The following PRKAG2 variants were observed in gnomAD, a reference collection of about 807,000 sequenced individuals.
The protein encoded by PRKAG2 is 5'-AMP-activated protein kinase subunit gamma-2.
PRKAG2 carries 26 observed loss-of-function variants against 69.6 expected under a neutral mutation model. The observed-to-expected ratio is 0.37, with a 90% CI of 0.27 to 0.52. The LOEUF is 0.52. PRKAG2 is among the 20% of genes least tolerant of loss of function. PRKAG2 has a pLI of 0.90. For missense variants in PRKAG2, 557 were observed against 740.0 expected (o/e 0.75, Z 2.87); for synonymous variants, 293 against 285.0 (o/e 1.03, Z -0.28).
At chr7:151,597,093 GAGAATT>G (rs1814736533) in intron 5 of PRKAG2, among the ~76,000 whole-genome samples, 1 of 152,102 alleles carries the variant, frequency 6.6e-6, no homozygotes, top group African/African-American at 2.4e-5. Flanking sequence ...CACAGACAAA[GAGAATT>G]AGAAAGCCCA....
At chr7:151,558,408 C>T (rs1329639080) in intron 15 of PRKAG2, 2 of 985,294 alleles carry the variant, frequency 2.0e-6, no homozygotes, top group African/African-American at 3.5e-5. Flanking sequence ...GCACGGCTTT[C>T]AGCTCTTTTC....
intron 3 of PRKAG2, among the ~76,000 whole-genome samples, chr7:151,730,886 T>A (rs538372630): frequency 2.6e-5 from 4 of 152,196 alleles, no homozygotes; most frequent in African/African-American, 9.6e-5. Context: ...TGTGGGCTCA[T>A]GGAAGGGGAG....
intron 2 of PRKAG2, among the ~76,000 whole-genome samples, chr7:151,785,483 A>C (rs2076957370): frequency 6.6e-6 from 1 of 152,198 alleles, no homozygotes; most frequent in African/African-American, 2.4e-5. Flanking sequence ...TGTTCAGGGC[A>C]GGGTGGGGAG....
intron 4 of PRKAG2, among the ~76,000 whole-genome samples, chr7:151,642,184 A>G (rs976113840): frequency 5.7e-4 from 86 of 152,046 alleles, no homozygotes; most frequent in African/African-American, 2.0e-3. Context: ...AAATACAGAA[A>G]AAAAAAAAAT....
At chr7:151,660,061 A>G (rs988201799) in intron 4 of PRKAG2, among the ~76,000 whole-genome samples, 67 of 152,186 alleles carry the variant, frequency 4.4e-4, no homozygotes, top group Non-Finnish European at 7.9e-4. Context: ...CCTGTCTCCA[A>G]AAAAAGTTAT....
At chr7:151,802,486 C>T (rs2077890280) in intron 1 of PRKAG2, among the ~76,000 whole-genome samples, 1 of 152,204 alleles carries the variant, frequency 6.6e-6, no homozygotes, top group African/African-American at 2.4e-5. Flanking sequence ...GAAAGGGGAA[C>T]TCCACAGGTG....
chr7:151,649,148 C>T (rs568390348), intron 4 of PRKAG2, among the ~76,000 whole-genome samples: 100 of 151,150 alleles, frequency 6.6e-4, no homozygotes, highest in Non-Finnish European at 1.3e-3. Context: ...TTATTTGAGA[C>T]GGAGTCTCAT....
chr7:151,870,268 C>T (rs1235480879), intron 1 of PRKAG2, among the ~76,000 whole-genome samples: 1 of 152,016 alleles, frequency 6.6e-6, no homozygotes, highest in African/African-American at 2.4e-5. Flanking sequence ...ATTAATAGTA[C>T]CCAGTTGTTT....
At chr7:151,733,246 C>T (rs960318195) in intron 3 of PRKAG2, among the ~76,000 whole-genome samples, 2 of 152,226 alleles carry the variant, frequency 1.3e-5, no homozygotes, top group Non-Finnish European at 2.9e-5. Context: ...TGGGCTCCAG[C>T]CCACTAAGAG....
intron 1 of PRKAG2, chr7:151,790,423 C>T (rs2077219611): frequency 6.6e-6 from 1 of 152,210 alleles, no homozygotes; most frequent in South Asian, 2.1e-4. Context: ...ACTGATAATC[C>T]CGTATTATAC....
chr7:151,643,495 T>C lies in PRKAG2; in HGVS notation c.685-11357A>G, dbSNP rs1277351898. Among the ~76,000 whole-genome samples, 7 of 152,214 alleles carry C rather than the reference T, an allele frequency of 4.6e-5. 1 individual carries two copies. The highest frequency in any genetic ancestry group is 3.9e-4 in the Admixed American group (6 of 15,280). Reference sequence around the variant, plus strand: ...ATTGGGTGGAAGCTCTATTCCTAAATTGGTGAAAAATTACAAACATGATTG... The same window carrying C: ...ATTGGGTGGAAGCTCTATTCCTAAACTGGTGAAAAATTACAAACATGATTG... On this transcript the variant is annotated intron_variant, in intron 4 of 15. Coordinates refer to ENST00000287878, the MANE Select transcript of PRKAG2 (RefSeq NM_016203.4).
At chr7:151,587,090 G>A (rs1205467533) in intron 6 of PRKAG2, among the ~76,000 whole-genome samples, 2 of 152,150 alleles carry the variant, frequency 1.3e-5, no homozygotes, top group Admixed American at 6.5e-5. Context: ...CAAGTGAGCC[G>A]AGATTGCGCC....
chr7:151,813,293 T>C (rs1422675296), intron 1 of PRKAG2, among the ~76,000 whole-genome samples: 1 of 152,160 alleles, frequency 6.6e-6, no homozygotes, highest in Admixed American at 6.5e-5. Context: ...GATTCCCTGC[T>C]AGCCCAGCCT....
intron 3 of PRKAG2, among the ~76,000 whole-genome samples, chr7:151,682,995 TG>T (rs1834115983): frequency 6.6e-6 from 1 of 152,250 alleles, no homozygotes; most frequent in African/African-American, 2.4e-5. Context: ...GCCCCCTTTC[TG>T]TTCCTTCTGA....
chr7:151,559,139 T>C, intron 15 of PRKAG2: 1 of 985,296 alleles, frequency 1.0e-6, no homozygotes, highest in Non-Finnish European at 1.2e-6. Flanking sequence ...CCTGGAAATT[T>C]ATATGAATTT....
intron 4 of PRKAG2, among the ~76,000 whole-genome samples, chr7:151,641,406 C>A (rs1022458544): frequency 1.3e-5 from 2 of 151,930 alleles, no homozygotes; most frequent in African/African-American, 4.8e-5. Context: ...CACCACCACA[C>A]CCAGCAAATT....
At chr7:151,686,002 T>G (rs1834673145) in intron 3 of PRKAG2, among the ~76,000 whole-genome samples, 2 of 152,196 alleles carry the variant, frequency 1.3e-5, no homozygotes, top group South Asian at 4.1e-4. Context: ...GTGAGACGGT[T>G]TTGCTCTAAA....
chr7:151,571,324 C>A lies in PRKAG2; in HGVS notation c.1052-1099G>T, dbSNP rs7787908. On this transcript the variant is annotated intron_variant, in intron 9 of 15. Coordinates refer to ENST00000287878, the MANE Select transcript of PRKAG2 (RefSeq NM_016203.4). ...CTGACCTCAGGTGATCCACCCGCCT[C>A]GGCTTCCCAAAGTGCTGGGATTATA... Among the ~76,000 whole-genome samples, 6 of 152,070 alleles carry A rather than the reference C, an allele frequency of 3.9e-5. No homozygotes were observed. In the South Asian group the frequency reaches 6.2e-4, roughly 16 times the overall value.
At chr7:151,727,272 G>A (rs1798141148) in intron 3 of PRKAG2, among the ~76,000 whole-genome samples, 1 of 152,172 alleles carries the variant, frequency 6.6e-6, no homozygotes, top group Admixed American at 6.5e-5. Context: ...TGGTGTTGGT[G>A]GGCTTTGAGG....
Sources: gnomAD v4.1 joint callset for allele counts (sites outside exome capture counted in the v4.1 genomes callset) on GRCh38, gnomAD v4.1.1 for gene constraint, MANE v1.5 for transcripts, NCBI Gene and HGNC (gene_info 2026-07-23, HGNC 2026-07-21) for gene names.